Variants in SGCZ observed in about 807,000 individuals in gnomAD.
SGCZ encodes the protein zeta-sarcoglycan.
Under a neutral mutation model 41.3 loss-of-function variants are expected in SGCZ, and 40 were observed. The ratio of observed to expected loss-of-function variants is 0.97; its 90% CI spans 0.75 to 1.26. The LOEUF (loss-of-function observed/expected upper bound fraction) is 1.26, where lower values mean the gene tolerates loss of function less well. SGCZ is among the 50% of genes most tolerant of loss of function. The pLI, the probability that SGCZ is intolerant of heterozygous loss-of-function variation, is 0.00. For synonymous variants in SGCZ, 206 were observed against 137.5 expected (o/e 1.50, Z -3.49); for missense variants, 552 against 369.8 (o/e 1.49, Z -4.04).
At chr8:14,372,171 C>T (rs114085865) in intron 2 of SGCZ, among the ~76,000 whole-genome samples, 3,015 of 152,146 alleles carry the variant, frequency 0.02, 80 homozygotes, top group African/African-American at 0.056. Flanking sequence ...AAGGGTAGTA[C>T]TCATGGAACT....
At position 14,858,323 on chromosome 8, in the gene SGCZ, TAAAAC is replaced by T. The variant is rs200901899; in HGVS notation, c.40-303402_40-303398del. On this transcript the variant is annotated intron_variant, in intron 1 of 7. Transcript: ENST00000382080. Reference sequence around the variant, plus strand: ...AGTAATATTTTATTTAAAAAATTCTTAAAACAAAACATTCCAATTAGTAAGAAGAG... The same window carrying T: ...AGTAATATTTTATTTAAAAAATTCTTAAAACATTCCAATTAGTAAGAAGAG... Among the ~76,000 whole-genome samples, 709 of 152,242 alleles carry T rather than the reference TAAAAC, an allele frequency of 4.7e-3. 4 individuals are homozygous for T. The highest frequency in any genetic ancestry group is 0.016 in the African/African-American group (686 of 41,576).
intron 1 of SGCZ, among the ~76,000 whole-genome samples, chr8:14,966,622 CATA>C (rs1801134392): frequency 6.6e-6 from 1 of 151,988 alleles, no homozygotes; most frequent in Non-Finnish European, 1.5e-5. Flanking sequence ...AAATCCAGTG[CATA>C]ATATTAATAC....
intron 1 of SGCZ, among the ~76,000 whole-genome samples, chr8:15,121,988 G>C (rs1563137523): frequency 6.6e-6 from 1 of 150,790 alleles, no homozygotes; most frequent in Non-Finnish European, 1.5e-5. Flanking sequence ...TTGATGTGTA[G>C]GGATACAACA....
chr8:14,466,914 A>G (rs1012079936), intron 2 of SGCZ, among the ~76,000 whole-genome samples: 1 of 151,870 alleles, frequency 6.6e-6, no homozygotes, highest in Non-Finnish European at 1.5e-5. Context: ...CCAGTGTATT[A>G]AAATCTTTGT....
rs565248634 is a variant in SGCZ at position 14,133,137 on chromosome 8, A to C, written c.548-24902T>G. Among the ~76,000 whole-genome samples the C allele has an allele frequency of 6.6e-5, 10 of 152,318 alleles. No individual in the cohort carries two copies. The South Asian group carries it at 2.1e-3, about 32-fold the overall frequency. On this transcript the variant is annotated intron_variant, in intron 5 of 7. Transcript: ENST00000382080. Reference sequence around the variant, plus strand: ...GGGGACTGAGCCTGGGGATCAGCCCAAGGTGAAAACTTAAAGTGACTTCAG... The same window carrying C: ...GGGGACTGAGCCTGGGGATCAGCCCCAGGTGAAAACTTAAAGTGACTTCAG...
chr8:15,067,484 G>A (rs1805197956), intron 1 of SGCZ, among the ~76,000 whole-genome samples: 1 of 152,172 alleles, frequency 6.6e-6, no homozygotes, highest in Non-Finnish European at 1.5e-5. Flanking sequence ...TATTCAATGT[G>A]TATTAGGACT....
chr8:14,802,546 T>C (rs1310446564), intron 1 of SGCZ, among the ~76,000 whole-genome samples: 1 of 152,186 alleles, frequency 6.6e-6, no homozygotes, highest in Non-Finnish European at 1.5e-5. Flanking sequence ...GTAATGATCA[T>C]TTGCTGCCGC....
rs371977345 is a variant in SGCZ at position 14,775,244 on chromosome 8, A to G, written c.40-220318T>C. On this transcript the variant is annotated intron_variant, in intron 1 of 7. Coordinates refer to ENST00000382080, the MANE Select transcript of SGCZ (RefSeq NM_139167.4). ...GTTGTTTCCAGACCACCCTTTGAGT[A>G]GCAAAGGTCTAGAGTGTAGAGCCCA... is the stretch of plus-strand genomic sequence containing the variant. 5.8e-4 allele frequency among the ~76,000 whole-genome samples: 89 copies of G among 152,242 alleles called. 3 individuals carry two copies. The highest frequency in any genetic ancestry group is 2.0e-3 in the African/African-American group (83 of 41,570).
intron 1 of SGCZ, among the ~76,000 whole-genome samples, chr8:14,588,269 T>C (rs1027064638): frequency 3.3e-5 from 5 of 151,650 alleles, no homozygotes; most frequent in Non-Finnish European, 5.9e-5. Flanking sequence ...TGGATTTGCA[T>C]AAAATCAAGA....
chr8:14,661,193 C>A (rs1450847960), intron 1 of SGCZ, among the ~76,000 whole-genome samples: 1 of 151,900 alleles, frequency 6.6e-6, no homozygotes, highest in African/African-American at 2.4e-5. Context: ...CCCCGATGGA[C>A]AATAATATAC....
At chr8:14,415,643 T>C (rs1799472982) in intron 2 of SGCZ, among the ~76,000 whole-genome samples, 1 of 151,976 alleles carries the variant, frequency 6.6e-6, no homozygotes, top group Admixed American at 6.6e-5. Context: ...TTAACACTTT[T>C]AAATAACTCC....
At chr8:14,341,255 G>C (rs1299257040) in intron 2 of SGCZ, among the ~76,000 whole-genome samples, 2 of 152,130 alleles carry the variant, frequency 1.3e-5, no homozygotes, top group Admixed American at 6.5e-5. Context: ...AAATATCTGA[G>C]ACTCTGCTTT....
Position 14,103,121 on chromosome 8 carries a change from G to T in SGCZ, c.621-622C>A, listed in dbSNP as rs142757098. On this transcript the variant is annotated intron_variant, in intron 6 of 7. Coordinates refer to ENST00000382080, the MANE Select transcript of SGCZ (RefSeq NM_139167.4). ...AATGTCCACAGAATGAGTGACATCAGTCTGTGAAAGAAAAATCAATAGGAG... is the reference window on the plus strand; with the variant it reads ...AATGTCCACAGAATGAGTGACATCATTCTGTGAAAGAAAAATCAATAGGAG... 3.9e-3 allele frequency among the ~76,000 whole-genome samples: 596 copies of T among 152,134 alleles called. 3 individuals carry two copies. The highest frequency in any genetic ancestry group is 0.013 in the African/African-American group (543 of 41,548).
At chr8:15,096,188 T>C (rs1217007627) in intron 1 of SGCZ, among the ~76,000 whole-genome samples, 2 of 152,022 alleles carry the variant, frequency 1.3e-5, no homozygotes, top group African/African-American at 4.8e-5. Flanking sequence ...GCAATTCTCC[T>C]GCCTCAGCCT....
chr8:14,734,459 G>A (rs1163798254), intron 1 of SGCZ, among the ~76,000 whole-genome samples: 1 of 152,122 alleles, frequency 6.6e-6, no homozygotes, highest in African/African-American at 2.4e-5. Flanking sequence ...AACAAAGTTT[G>A]TCTTTTTATA....
chr8:14,166,363 G>C (rs909785194), intron 4 of SGCZ, among the ~76,000 whole-genome samples: 4 of 152,068 alleles, frequency 2.6e-5, no homozygotes, highest in African/African-American at 7.2e-5. Flanking sequence ...AGTGTGATTT[G>C]TTCTAATCAT....
At chr8:14,478,790 T>C (rs1585568788) in intron 2 of SGCZ, among the ~76,000 whole-genome samples, 1 of 152,202 alleles carries the variant, frequency 6.6e-6, no homozygotes, top group African/African-American at 2.4e-5. Context: ...TAACAGTTCT[T>C]ATTTATTTTC....
intron 1 of SGCZ, among the ~76,000 whole-genome samples, chr8:14,851,304 G>A (rs1036500405): frequency 7.4e-6 from 1 of 135,002 alleles, no homozygotes; most frequent in Admixed American, 8.9e-5. Flanking sequence ...GGGAGGCAGA[G>A]CTTGCAGTAA....
chr8:15,131,706 C>T (rs1433090274), intron 1 of SGCZ, among the ~76,000 whole-genome samples: 1 of 152,026 alleles, frequency 6.6e-6, no homozygotes. Flanking sequence ...TTATTGAGTC[C>T]CCTAATAGCA....
Sources: allele counts gnomAD v4.1 joint callset (sites outside exome capture counted in the v4.1 genomes callset), GRCh38; gene constraint gnomAD v4.1.1; transcripts MANE v1.5; gene names NCBI Gene and HGNC (gene_info 2026-07-23, HGNC 2026-07-21).